EPS8: variants seen among roughly 807,000 people sequenced by gnomAD.
The protein encoded by EPS8 is epidermal growth factor receptor kinase substrate 8.
A neutral mutation model predicts 103.8 loss-of-function variants in EPS8; 42 were observed. That is an observed-to-expected ratio of 0.40 (90% confidence interval 0.32 to 0.52). The LOEUF is 0.52. Ranked by LOEUF, EPS8 falls within the 20% of genes least tolerant of loss-of-function variation. The pLI is 0.40. For synonymous variants in EPS8, 344 were observed against 344.6 expected, an observed-to-expected ratio of 1.00 and a Z score of 0.02; for missense variants, 969 against 1,005.1, an observed-to-expected ratio of 0.96 and a Z score of 0.49.
rs1423818250 is a variant in EPS8 at position 15,767,184 on chromosome 12, A to G, written c.-22+21977T>C. ...CAAAAAATAACTGTATGGTGAAGGA[A>G]ATCTAAATAATATTGTTCAAAATAT... On this transcript the variant is annotated intron_variant, in intron 1 of 20. Coordinates refer to ENST00000281172, the MANE Select transcript of EPS8 (RefSeq NM_004447.6). This position sits in a 1 kb window ranked among gnomAD's most constrained non-coding sequence, Gnocchi z 5.5. Among the ~76,000 whole-genome samples the G allele has an allele frequency of 6.6e-6, 1 of 152,218 alleles. No homozygotes were observed. Among genetic ancestry groups the G allele is most frequent in the Non-Finnish European group, 1.5e-5 (1 of 68,036 alleles).
intron 3 of EPS8, among the ~76,000 whole-genome samples, 175 bp downstream of exon 3, chr12:15,681,051 G>A (rs559373938): frequency 2.7e-4 from 41 of 152,204 alleles, no homozygotes; most frequent in Admixed American, 1.2e-3. Context: ...AGCAAGCAGA[G>A]TTCATGGCTT....
chr12:15,681,469 G>A (rs770349397), intron 2 of EPS8, among the ~76,000 whole-genome samples, 167 bp from the exon 3 acceptor site: 1 of 151,804 alleles, frequency 6.6e-6, no homozygotes, highest in Non-Finnish European at 1.5e-5. Flanking sequence ...GGTGGCTCAC[G>A]CCTATAATCC....
At position 15,711,033 on chromosome 12, in the gene EPS8, CTTATTTATTTAT is replaced by C. The variant is rs143155444; in HGVS notation, c.-21-28073_-21-28062del. Among the ~76,000 whole-genome samples, 821 of 136,502 alleles carry C rather than the reference CTTATTTATTTAT, an allele frequency of 6.0e-3. 10 individuals carry two copies. Among genetic ancestry groups the C allele is most frequent in the African/African-American group, 0.012 (439 of 36,866 alleles). The allele number at this position is 136,502 out of a possible 152,430, so 89.6% of individuals were successfully genotyped here. A position where few individuals can be genotyped will look rare whatever the true frequency, so the allele number is the denominator to read the frequency against. On this transcript the variant is annotated intron_variant, in intron 1 of 20. Transcript: ENST00000281172. ...TACAGGCATGCACCACCATGCCAGG[CTTATTTATTTAT>C]TTATTTATTTATTTATTTATTTATT... is the stretch of plus-strand genomic sequence containing the variant.
rs1946328134 is a variant in EPS8, at chr12:15,702,834, T to C, written c.-21-19862A>G. 6.6e-6 allele frequency among the ~76,000 whole-genome samples: 1 copy of C among 152,182 alleles called. No individual in the cohort carries two copies. Among genetic ancestry groups the C allele is most frequent in the Admixed American group, 6.5e-5 (1 of 15,280 alleles). On this transcript the variant is annotated intron_variant, in intron 1 of 20. Transcript: ENST00000281172. The surrounding 1 kb of genome is among the most constrained non-coding windows in gnomAD (Gnocchi z 5.1). Reference sequence around the variant, plus strand: ...ATGGTTATTAAAGGTAAACATTCAATAGAGTGAGCAAAACCACATAATAAG... The same window carrying C: ...ATGGTTATTAAAGGTAAACATTCAACAGAGTGAGCAAAACCACATAATAAG...
Position 15,669,395 on chromosome 12 carries a change from C to G in EPS8, c.508G>C (p.Glu170Gln). Residue 170 changes from glutamate (E) to glutamine (Q), a missense_variant, in exon 6 of 21, where the codon GAG becomes CAG. By Grantham distance (29) the Glu-to-Gln change is conservative (BLOSUM62 2). Transcript: ENST00000281172. ...KPDLHLFQCD[E>Q]VKANLISEDI... The stretch of plus-strand genomic sequence containing the variant: ...TTTCACCATTCTTTTACCTTAACCT[C>G]ATCACACTGGAAGAGATGAAGATCT... 6.2e-7 allele frequency: 1 copy of G among 1,610,442 alleles called. No individual in the cohort carries two copies. Among genetic ancestry groups the G allele is most frequent in the Non-Finnish European group, 8.5e-7 (1 of 1,179,034 alleles).
chr12:15,658,070 A>G lies in EPS8; in HGVS notation c.1101+9T>C, dbSNP rs769135972. ...AGAACGATTCTTTCTTAAACTAATAAAATCTCACCATATTTAATGGAGTAA... is the reference window on the plus strand; with the variant it reads ...AGAACGATTCTTTCTTAAACTAATAGAATCTCACCATATTTAATGGAGTAA... On this transcript the variant is annotated intron_variant, in intron 12 of 20. Transcript: ENST00000281172. 8 of 1,528,446 alleles carry G rather than the reference A, an allele frequency of 5.2e-6. No homozygotes were observed. Among genetic ancestry groups the G allele is most frequent in the Middle Eastern group, 1.7e-4 (1 of 5,912 alleles). The allele number at this position is 1,528,446 out of a possible 1,614,324, so 94.7% of individuals were successfully genotyped here. A position where few individuals can be genotyped will look rare whatever the true frequency, so the allele number is the denominator to read the frequency against.
intron 1 of EPS8, among the ~76,000 whole-genome samples, chr12:15,711,295 T>G (rs1052423400): frequency 6.6e-6 from 1 of 152,238 alleles, no homozygotes; most frequent in African/African-American, 2.4e-5. Context: ...ATGACATCAC[T>G]GAAAAGTAAA....
At position 15,662,117 on chromosome 12, in the gene EPS8, A is replaced by G; in HGVS notation, c.737-18T>C. ...TTTCTCAACTATAGAAAGGACAATC[A>G]TAAGTCTTTCAATCTTTTACTCCCA... On this transcript the variant is annotated intron_variant, in intron 8 of 20. Coordinates refer to ENST00000281172, the MANE Select transcript of EPS8 (RefSeq NM_004447.6). The G allele has an allele frequency of 6.2e-7, 1 of 1,608,168 alleles. No individual in the cohort carries two copies. Among genetic ancestry groups the G allele is most frequent in the Non-Finnish European group, 8.5e-7 (1 of 1,174,964 alleles).
Position 15,640,735 on chromosome 12 carries a change from G to A in EPS8, c.1789C>T (p.Arg597Cys), listed in dbSNP as rs754905499. ...GTATGAGTATAAGGTGGATCAGCAC[G>A]CCCCAATCCAGATTCTGGAGGTCTC... ...IVRPPESGLG[R>C]ADPPYTHTIQ... Residue 597 changes from arginine (R) to cysteine (C), a missense_variant, in exon 17 of 21, where the codon CGT becomes TGT. Coordinates refer to ENST00000281172, the MANE Select transcript of EPS8 (RefSeq NM_004447.6). 11 of 1,613,738 alleles carry A rather than the reference G, an allele frequency of 6.8e-6. No individual in the cohort carries two copies. Among genetic ancestry groups the A allele is most frequent in the East Asian group, 2.2e-5 (1 of 44,878 alleles).
chr12:15,724,250 A>T (rs918262737), intron 1 of EPS8, among the ~76,000 whole-genome samples: 2 of 152,202 alleles, frequency 1.3e-5, no homozygotes, highest in Non-Finnish European at 2.9e-5. Context: ...CATGAGACTT[A>T]GACCCAGAAA....
At chr12:15,719,899 T>C (rs762798171) in intron 1 of EPS8, among the ~76,000 whole-genome samples, 1 of 152,218 alleles carries the variant, frequency 6.6e-6, no homozygotes, top group Non-Finnish European at 1.5e-5. Context: ...TTAAACCAAC[T>C]ACGTCAAGAG....
Position 15,734,551 on chromosome 12 carries a change from G to A in EPS8, c.-21-51579C>T, listed in dbSNP as rs189839692. On this transcript the variant is annotated intron_variant, in intron 1 of 20. Transcript: ENST00000281172. The surrounding 1 kb of genome is among the most constrained non-coding windows in gnomAD (Gnocchi z 4.1). ...CTACTAAAAATACAAAGAATTAGCC[G>A]GGCATGGTGGTGGGCGCCTGTGGTC... is the stretch of plus-strand genomic sequence containing the variant. Among the ~76,000 whole-genome samples, 119 of 152,110 alleles carry A rather than the reference G, an allele frequency of 7.8e-4. No individual in the cohort carries two copies. Among genetic ancestry groups the A allele is most frequent in the African/African-American group, 2.6e-3 (108 of 41,508 alleles).
At chr12:15,663,448 C>G (rs1945643014) in intron 8 of EPS8, among the ~76,000 whole-genome samples, 1 of 152,096 alleles carries the variant, frequency 6.6e-6, no homozygotes, top group Non-Finnish European at 1.5e-5. Context: ...GGCTTTCCAA[C>G]TAAAAACTGG....
chr12:15,746,065 T>G (rs1008558615), intron 1 of EPS8, among the ~76,000 whole-genome samples: 1 of 152,118 alleles, frequency 6.6e-6, no homozygotes, highest in Non-Finnish European at 1.5e-5. Flanking sequence ...CAGGCCAGTA[T>G]TGGTCTTTTT....
rs1289983575 is a variant in EPS8 at position 15,716,716 on chromosome 12, C to T, written c.-21-33744G>A. Among the ~76,000 whole-genome samples, 1 of 152,156 alleles carries T rather than the reference C, an allele frequency of 6.6e-6. No homozygotes were observed. The highest frequency in any genetic ancestry group is 1.9e-4 in the East Asian group (1 of 5,194). ...TAGAGGCAGACAAAATAGGCTGTAA[C>T]ATAATCTGTAAGCTAAGATCATCAG... On this transcript the variant is annotated intron_variant, in intron 1 of 20. Coordinates refer to ENST00000281172, the MANE Select transcript of EPS8 (RefSeq NM_004447.6). This position sits in a 1 kb window ranked among gnomAD's most constrained non-coding sequence, Gnocchi z 5.0.
chr12:15,647,196 C>T lies in EPS8; in HGVS notation c.1499G>A (p.Arg500Lys). 1.2e-6 allele frequency: 2 copies of T among 1,613,962 alleles called. No homozygotes were observed. Among genetic ancestry groups the T allele is most frequent in the Non-Finnish European group, 1.7e-6 (2 of 1,179,888 alleles). Residue 500 changes from arginine (R) to lysine (K), a missense_variant, in exon 15 of 21, where the codon AGA becomes AAA. By Grantham distance (26) the Arg-to-Lys change is conservative (BLOSUM62 2). Transcript: ENST00000281172. ...GYAFSSNIYT[R>K]GSHLDQGEAA... ...TTCCCCTTGGTCCAGGTGGGATCCT[C>T]TTGTGTAAATGTTGCTACTGAACGC...
Position 15,698,692 on chromosome 12 carries a change from T to A in EPS8, c.-21-15720A>T, listed in dbSNP as rs1253528462. On this transcript the variant is annotated intron_variant, in intron 1 of 20. Transcript: ENST00000281172. The surrounding 1 kb of genome is among the most constrained non-coding windows in gnomAD (Gnocchi z 4.9). Reference sequence around the variant, plus strand: ...CCCTCCTAAGAACTGAGCTGTTCAATTCCAGATCCTAACAAAGAAATTTTT... The same window carrying A: ...CCCTCCTAAGAACTGAGCTGTTCAAATCCAGATCCTAACAAAGAAATTTTT... 1.3e-5 allele frequency among the ~76,000 whole-genome samples: 2 copies of A among 152,170 alleles called. No individual in the cohort carries two copies. Among genetic ancestry groups the A allele is most frequent in the Non-Finnish European group, 2.9e-5 (2 of 68,018 alleles).
chr12:15,684,472 TAAG>T lies in EPS8; in HGVS notation c.-21-1503_-21-1501del, dbSNP rs956062745. Among the ~76,000 whole-genome samples, 6 of 152,160 alleles carry T rather than the reference TAAG, an allele frequency of 3.9e-5. No homozygotes were observed. The highest frequency in any genetic ancestry group is 1.4e-4 in the African/African-American group (6 of 41,442). ...TGTTTGATGACTTCTGCTTTTCAAA[TAAG>T]AAGAAGGGTACCAGGCACAGAATAG... On this transcript the variant is annotated intron_variant, in intron 1 of 20. Coordinates refer to ENST00000281172, the MANE Select transcript of EPS8 (RefSeq NM_004447.6). The surrounding 1 kb of genome is among the most constrained non-coding windows in gnomAD (Gnocchi z 4.9).
Position 15,690,301 on chromosome 12 carries a change from G to A in EPS8, c.-21-7329C>T, listed in dbSNP as rs1044780078. Among the ~76,000 whole-genome samples the A allele has an allele frequency of 6.6e-6, 1 of 152,216 alleles. No individual in the cohort carries two copies. Among genetic ancestry groups the A allele is most frequent in the Non-Finnish European group, 1.5e-5 (1 of 67,996 alleles). ...TCTCTAAATCATAAATACATCTCCCGAATATTACTACAAGTAAAAACTTAA... is the reference window on the plus strand; with the variant it reads ...TCTCTAAATCATAAATACATCTCCCAAATATTACTACAAGTAAAAACTTAA... On this transcript the variant is annotated intron_variant, in intron 1 of 20. Transcript: ENST00000281172. This position sits in a 1 kb window ranked among gnomAD's most constrained non-coding sequence, Gnocchi z 4.7.
Sources: gnomAD v4.1 joint callset for allele counts (sites outside exome capture counted in the v4.1 genomes callset) on GRCh38, gnomAD v4.1.1 for gene constraint, Gnocchi (gnomAD v3.1) non-coding constraint, MANE v1.5 for transcripts, NCBI Gene and HGNC (gene_info 2026-07-23, HGNC 2026-07-21) for gene names.